Variants in EXT2 observed in about 807,000 individuals in gnomAD.
EXT2 encodes the protein exostosin glycosyltransferase 2.
A neutral mutation model predicts 81.6 loss-of-function variants in EXT2; 53 were observed. That is an observed-to-expected ratio of 0.65 (90% confidence interval 0.52 to 0.82). The LOEUF (loss-of-function observed/expected upper bound fraction) is 0.82, where lower values mean the gene tolerates loss of function less well. EXT2 is among the 40% of genes least tolerant of loss of function. EXT2 has a pLI of 0.00. For missense variants in EXT2, 774 were observed against 910.2 expected, an observed-to-expected ratio of 0.85 and a Z score of 1.93; for synonymous variants, 320 against 340.0, an observed-to-expected ratio of 0.94 and a Z score of 0.65.
chr11:44,157,412 T>G (rs1324988440), intron 7 of EXT2, among the ~76,000 whole-genome samples: 11 of 152,220 alleles, frequency 7.2e-5, no homozygotes, highest in African/African-American at 2.7e-4. Context: ...TGGTTCTCTA[T>G]TCTACGTGGC....
chr11:44,096,072 T>TCTC (rs555906267), intron 1 of EXT2: 1 of 676,812 alleles, frequency 1.5e-6, no homozygotes, highest in African/African-American at 1.8e-5. Flanking sequence ...TGCTTCTCCT[T>TCTC]CTCCTCCGGC....
At chr11:44,119,126 A>ATG (rs1954267384) in intron 4 of EXT2, among the ~76,000 whole-genome samples, 16 of 61,358 alleles carry the variant, frequency 2.6e-4, no homozygotes, top group Non-Finnish European at 3.8e-4. Context: ...TTGGCTATTT[A>ATG]TATATATATA....
At chr11:44,119,149 T>TATATATAC (rs1954272994) in intron 4 of EXT2, among the ~76,000 whole-genome samples, 1 of 53,008 alleles carries the variant, frequency 1.9e-5, no homozygotes, top group Non-Finnish European at 4.1e-5. Flanking sequence ...TATATATATA[T>TATATATAC]ATATATATAT....
At chr11:44,119,773 A>G (rs968458405) in intron 4 of EXT2, among the ~76,000 whole-genome samples, 1 of 152,226 alleles carries the variant, frequency 6.6e-6, no homozygotes, top group Non-Finnish European at 1.5e-5. Context: ...TCTTCTCTGC[A>G]TAGGGCAGGG....
intron 7 of EXT2, among the ~76,000 whole-genome samples, chr11:44,156,437 C>T (rs1373933198): frequency 6.6e-6 from 1 of 151,940 alleles, no homozygotes; most frequent in African/African-American, 2.4e-5. Flanking sequence ...TTTCTTTTGT[C>T]TCCTCTCTCT....
chr11:44,139,686 G>A (rs1033771403), intron 7 of EXT2, among the ~76,000 whole-genome samples: 2 of 152,184 alleles, frequency 1.3e-5, no homozygotes, highest in African/African-American at 4.8e-5. Flanking sequence ...CATGATTTGG[G>A]CCAGGGGCTA....
chr11:44,223,158 G>A (rs1413819875), intron 10 of EXT2, among the ~76,000 whole-genome samples: 3 of 152,144 alleles, frequency 2.0e-5, no homozygotes, highest in African/African-American at 7.2e-5. Flanking sequence ...AGAAAAACTG[G>A]ACCACTCATA....
intron 7 of EXT2, among the ~76,000 whole-genome samples, chr11:44,167,169 A>G (rs1057180469): frequency 4.6e-5 from 7 of 152,182 alleles, no homozygotes; most frequent in Non-Finnish European, 1.0e-4. Flanking sequence ...AGGGCCTATT[A>G]AAGTATTTGG....
intron 1 of EXT2, among the ~76,000 whole-genome samples, 158 bp from the exon 2 acceptor site, chr11:44,107,525 A>G (rs1365360182): frequency 6.6e-6 from 1 of 152,158 alleles, no homozygotes; most frequent in East Asian, 1.9e-4. Context: ...TGAAGGTTGC[A>G]GTGAGCTGAG....
At chr11:44,201,204 A>G (rs538790560) in intron 9 of EXT2, among the ~76,000 whole-genome samples, 7 of 152,324 alleles carry the variant, frequency 4.6e-5, no homozygotes, top group South Asian at 4.1e-4. Context: ...CATTTAGGCT[A>G]AGCAATAGAA....
intron 13 of EXT2, among the ~76,000 whole-genome samples, chr11:44,237,787 G>A (rs1357242420): frequency 6.6e-6 from 1 of 151,950 alleles, no homozygotes; most frequent in African/African-American, 2.4e-5. Flanking sequence ...GTGAGAGCCA[G>A]GTGTGGTGGC....
Position 44,124,900 on chromosome 11 carries a change from A to G in EXT2, c.855A>G (p.Lys285=). Residue 285 remains lysine, a synonymous_variant, in exon 5 of 14, where the codon AAA becomes AAG. Transcript: ENST00000533608. ...GAGAGTCAGTGTTAGTACTCGATAA[A>G]TGCACCAACCTCTCAGAGGGTGTCC... ...KHGESVLVLD[K]CTNLSEGVLS... is the part of the protein sequence containing the mutation. 3.7e-6 allele frequency: 6 copies of G among 1,614,052 alleles called. No individual in the cohort carries two copies. Among genetic ancestry groups the G allele is most frequent in the Non-Finnish European group, 5.1e-6 (6 of 1,180,008 alleles).
At chr11:44,185,489 A>G (rs1450133539) in intron 8 of EXT2, among the ~76,000 whole-genome samples, 1 of 152,166 alleles carries the variant, frequency 6.6e-6, no homozygotes, top group East Asian at 1.9e-4. Context: ...CTTGTTTCCA[A>G]TAAAAGGTTT....
rs1026228856 is a variant in EXT2 at position 44,119,147 on chromosome 11, T to C, written c.743+4846T>C. Among the ~76,000 whole-genome samples the C allele has an allele frequency of 4.9e-4, 24 of 49,398 alleles. 3 individuals are homozygous for C. The East Asian group carries it at 0.02, about 41-fold the overall frequency. 32.4% of individuals were successfully genotyped at this position (49,398 alleles called of 152,430 possible). On this transcript the variant is annotated intron_variant, in intron 4 of 13. Coordinates refer to ENST00000533608, the MANE Select transcript of EXT2 (RefSeq NM_207122.2). Reference sequence around the variant, plus strand: ...ATTTATATATATATATATATATATATATATATATATATATATATATATACA... The same window carrying C: ...ATTTATATATATATATATATATATACATATATATATATATATATATATACA...
chr11:44,157,665 T>A (rs1028066477), intron 7 of EXT2, among the ~76,000 whole-genome samples: 1 of 152,048 alleles, frequency 6.6e-6, no homozygotes, highest in Admixed American at 6.6e-5. Flanking sequence ...AGAAACGCCA[T>A]CCAGGAACCA....
At chr11:44,197,570 A>G (rs111341219) in intron 8 of EXT2, among the ~76,000 whole-genome samples, 66 of 152,292 alleles carry the variant, frequency 4.3e-4, no homozygotes, top group Middle Eastern at 3.4e-3. Context: ...AGATAAACGC[A>G]TGCTTTAATC....
At chr11:44,171,533 G>A (rs1565220874) in intron 7 of EXT2, 78 bp from the exon 8 acceptor site, 1 of 1,606,956 alleles carries the variant, frequency 6.2e-7, no homozygotes. Flanking sequence ...GCCTAACCTG[G>A]AGTTGACTAT....
At chr11:44,135,872 A>G (rs1323769551) in intron 7 of EXT2, among the ~76,000 whole-genome samples, 2 of 152,188 alleles carry the variant, frequency 1.3e-5, no homozygotes, top group African/African-American at 2.4e-5. Context: ...CTTATCATCA[A>G]TTTGAACATC....
intron 1 of EXT2, among the ~76,000 whole-genome samples, chr11:44,098,952 C>T (rs1305897141): frequency 1.3e-5 from 2 of 152,120 alleles, no homozygotes; most frequent in African/African-American, 2.4e-5. Context: ...GGGAAGGATA[C>T]AGACATTTGT....
Sources: allele counts gnomAD v4.1 joint callset (sites outside exome capture counted in the v4.1 genomes callset), GRCh38; gene constraint gnomAD v4.1.1; transcripts MANE v1.5; gene names NCBI Gene and HGNC (gene_info 2026-07-23, HGNC 2026-07-21).